TMEM163: variants seen among roughly 807,000 people sequenced by gnomAD.
The protein encoded by TMEM163 is transmembrane protein 163.
A neutral mutation model predicts 29.3 loss-of-function variants in TMEM163; 17 were observed. That is an observed-to-expected ratio of 0.58 (90% CI 0.40 to 0.87). TMEM163 has a LOEUF of 0.87. Among genes scored for constraint, TMEM163 ranks in the 40% least tolerant of loss-of-function variants. TMEM163 has a pLI of 0.00. For synonymous variants in TMEM163, 157 were observed against 160.6 expected, an observed-to-expected ratio of 0.98 and a Z score of 0.17; for missense variants, 303 against 381.5, an observed-to-expected ratio of 0.79 and a Z score of 1.71.
At chr2:134,514,020 A>G (rs1444678479) in intron 4 of TMEM163, among the ~76,000 whole-genome samples, 1 of 152,188 alleles carries the variant, frequency 6.6e-6, no homozygotes, top group Non-Finnish European at 1.5e-5. Flanking sequence ...CAGAAGCTCC[A>G]AGGCCTTGGA....
intron 2 of TMEM163, among the ~76,000 whole-genome samples, chr2:134,596,440 T>C (rs1682085331): frequency 1.3e-5 from 2 of 152,214 alleles, no homozygotes; most frequent in African/African-American, 4.8e-5. Context: ...TGGTATTATT[T>C]CTGAGGGCTC....
intron 2 of TMEM163, among the ~76,000 whole-genome samples, chr2:134,589,491 A>C (rs1681894417): frequency 6.6e-6 from 1 of 152,184 alleles, no homozygotes; most frequent in Non-Finnish European, 1.5e-5. Flanking sequence ...CTCATTATAC[A>C]CTAATTATAA....
rs1405945338 is a variant in TMEM163 at position 134,536,787 on chromosome 2, TATACAA to T, written c.458+13777_458+13782del. On this transcript the variant is annotated intron_variant, in intron 4 of 7. Transcript: ENST00000281924. ...AAACCTGTCAGATTAGAAAAGGAAC[TATACAA>T]AAACCCCTTGACTCCTGGGTCACGG... Among the ~76,000 whole-genome samples, 3 of 152,284 alleles carry T rather than the reference TATACAA, an allele frequency of 2.0e-5. No homozygotes were observed. The East Asian group carries it at 5.8e-4, about 29-fold the overall frequency.
intron 4 of TMEM163, among the ~76,000 whole-genome samples, chr2:134,537,704 CT>C (rs1680571889): frequency 6.6e-6 from 1 of 152,170 alleles, no homozygotes; most frequent in Non-Finnish European, 1.5e-5. Flanking sequence ...GTTATTTGAG[CT>C]TGATTCATCT....
Position 134,466,113 on chromosome 2 carries a change from C to A in TMEM163, c.667+1G>T. 1 of 1,611,108 alleles carries A rather than the reference C, an allele frequency of 6.2e-7. No individual in the cohort carries two copies. Among genetic ancestry groups the A allele is most frequent in the Non-Finnish European group, 8.5e-7 (1 of 1,178,558 alleles). Reference sequence around the variant, plus strand: ...AGATTAGGCACCCTGGCCTTACTCACCATCTGTTATGAGTGCTCTACTGGT... The same window carrying A: ...AGATTAGGCACCCTGGCCTTACTCAACATCTGTTATGAGTGCTCTACTGGT... On this transcript the variant is annotated splice_donor_variant, in intron 6 of 7. Coordinates refer to ENST00000281924, the MANE Select transcript of TMEM163 (RefSeq NM_030923.5). LOFTEE classifies it high-confidence loss of function.
At chr2:134,498,841 G>C (rs562322950) in intron 5 of TMEM163, among the ~76,000 whole-genome samples, 1 of 152,224 alleles carries the variant, frequency 6.6e-6, no homozygotes, top group African/African-American at 2.4e-5. Flanking sequence ...AGACAGACAG[G>C]AGGCCGGAGC....
intron 5 of TMEM163, among the ~76,000 whole-genome samples, chr2:134,499,155 C>A (rs1054928121): frequency 1.3e-5 from 2 of 151,972 alleles, no homozygotes; most frequent in Non-Finnish European, 2.9e-5. Context: ...TAAAGATATA[C>A]CATTTTTACT....
At chr2:134,631,833 T>G (rs766846053) in intron 2 of TMEM163, among the ~76,000 whole-genome samples, 1 of 152,230 alleles carries the variant, frequency 6.6e-6, no homozygotes, top group Non-Finnish European at 1.5e-5. Flanking sequence ...ACCATATGAC[T>G]TTTCTCCTAT....
intron 2 of TMEM163, among the ~76,000 whole-genome samples, chr2:134,637,299 T>A (rs1300364811): frequency 1.3e-5 from 2 of 152,180 alleles, no homozygotes; most frequent in Non-Finnish European, 2.9e-5. Context: ...GCATGTGAGA[T>A]GAACTGCCAA....
At chr2:134,493,362 C>CT (rs1159013721) in intron 5 of TMEM163, among the ~76,000 whole-genome samples, 3,085 of 49,826 alleles carry the variant, frequency 0.062, 1,060 homozygotes, top group East Asian at 0.093. Flanking sequence ...CTTTTGGTGT[C>CT]TTTTTTTTTT....
intron 2 of TMEM163, among the ~76,000 whole-genome samples, chr2:134,703,215 CA>C (rs1558997810): frequency 6.6e-6 from 1 of 151,728 alleles, no homozygotes. Context: ...AAGGAAATCC[CA>C]AAAAAAGTGG....
At chr2:134,660,484 T>C (rs1260155371) in intron 2 of TMEM163, among the ~76,000 whole-genome samples, 1 of 151,954 alleles carries the variant, frequency 6.6e-6, no homozygotes, top group African/African-American at 2.4e-5. Flanking sequence ...AAATCAAGAG[T>C]GTCATAGGTA....
At chr2:134,465,578 A>G (rs1237941100) in intron 6 of TMEM163, among the ~76,000 whole-genome samples, 1 of 152,214 alleles carries the variant, frequency 6.6e-6, no homozygotes, top group African/African-American at 2.4e-5. Context: ...TCATAAAGAA[A>G]GTTCCTCCTG....
At chr2:134,679,854 A>C (rs1194574287) in intron 2 of TMEM163, among the ~76,000 whole-genome samples, 2 of 152,082 alleles carry the variant, frequency 1.3e-5, no homozygotes, top group African/African-American at 4.8e-5. Context: ...CTCACCCACA[A>C]GGTCCCCGCC....
intron 2 of TMEM163, among the ~76,000 whole-genome samples, chr2:134,585,140 A>T (rs842350): frequency 0.14 from 21,208 of 152,254 alleles, 1,940 homozygotes; most frequent in Middle Eastern, 0.37. Flanking sequence ...ACCTGGAAAC[A>T]GGGACAGAAA....
chr2:134,532,412 G>A (rs1008538462), intron 4 of TMEM163, among the ~76,000 whole-genome samples: 4 of 152,170 alleles, frequency 2.6e-5, no homozygotes, highest in African/African-American at 7.2e-5. Context: ...CAACAGATGC[G>A]GAAAAATTAC....
chr2:134,586,372 C>T (rs1681824702), intron 2 of TMEM163, among the ~76,000 whole-genome samples: 1 of 152,234 alleles, frequency 6.6e-6, no homozygotes, highest in Non-Finnish European at 1.5e-5. Context: ...AGCCCTCTCT[C>T]TAGCTGCTGG....
intron 2 of TMEM163, among the ~76,000 whole-genome samples, chr2:134,691,581 C>T (rs200371192): frequency 6.6e-6 from 1 of 152,208 alleles, no homozygotes; most frequent in Non-Finnish European, 1.5e-5. Context: ...TGCACACATG[C>T]GCACGTACAC....
At chr2:134,679,925 C>A (rs943566873) in intron 2 of TMEM163, among the ~76,000 whole-genome samples, 5 of 146,908 alleles carry the variant, frequency 3.4e-5, no homozygotes, top group Non-Finnish European at 5.9e-5. Context: ...TCCCCAGCAA[C>A]CCTAATGGCT....
Sources: allele counts gnomAD v4.1 joint callset (sites outside exome capture counted in the v4.1 genomes callset), GRCh38; gene constraint gnomAD v4.1.1; transcripts MANE v1.5; gene names NCBI Gene and HGNC (gene_info 2026-07-23, HGNC 2026-07-21).